Variants in DLGAP2 observed in about 807,000 individuals in gnomAD.
DLGAP2 encodes DLG associated protein 2.
Under a neutral mutation model 100.3 loss-of-function variants are expected in DLGAP2, and 26 were observed. The ratio of observed to expected loss-of-function variants is 0.26; its 90% CI spans 0.19 to 0.36. DLGAP2 has a LOEUF of 0.36. Among genes scored for constraint, DLGAP2 ranks in the 10% least tolerant of loss-of-function variants. The pLI, the probability that DLGAP2 is intolerant of heterozygous loss-of-function variation, is 1.00. For synonymous variants in DLGAP2, 886 were observed against 630.1 expected, an observed-to-expected ratio of 1.41 and a Z score of -6.08; for missense variants, 1,858 against 1,453.2, an observed-to-expected ratio of 1.28 and a Z score of -4.53.
At chr8:1,189,224 G>T (rs114793924) in intron 2 of DLGAP2, among the ~76,000 whole-genome samples, 3 of 124,090 alleles carry the variant, frequency 2.4e-5, no homozygotes, top group Admixed American at 2.1e-4. Flanking sequence ...CCCCAGGCCG[G>T]TTCCGCGGTT....
At chr8:1,695,540 A>G (rs1212160334) in intron 13 of DLGAP2, among the ~76,000 whole-genome samples, 1 of 144,454 alleles carries the variant, frequency 6.9e-6, no homozygotes, top group Non-Finnish European at 1.5e-5. Context: ...CCGGCCCTAC[A>G]GAAAGAGAGG....
intron 13 of DLGAP2, among the ~76,000 whole-genome samples, chr8:1,694,767 G>A (rs1563067427): frequency 6.6e-6 from 1 of 152,164 alleles, no homozygotes; most frequent in Admixed American, 6.5e-5. Context: ...CCACAGAGCT[G>A]TGTGAATTTA....
In DLGAP2 at chr8:915,430, C is replaced by G. The variant is rs532055326; in HGVS notation, c.73+7464C>G. 4.6e-5 allele frequency among the ~76,000 whole-genome samples: 7 copies of G among 152,260 alleles called. No individual in the cohort carries two copies. The South Asian group carries it at 1.2e-3, about 27-fold the overall frequency. ...GGCGTGGTGGCTGGCACCTGTAGTC[C>G]TAGCTACTCGGGAGGCTGAGGCAGG... On this transcript the variant is annotated intron_variant, in intron 2 of 14. Transcript: ENST00000637795.
At chr8:835,207 A>C (rs1796850778) in intron 1 of DLGAP2, among the ~76,000 whole-genome samples, 1 of 152,194 alleles carries the variant, frequency 6.6e-6, no homozygotes, top group Non-Finnish European at 1.5e-5. Context: ...GTGAGGAATA[A>C]AACTTTATTT....
chr8:757,189 C>G (rs1258904742), intron 1 of DLGAP2, among the ~76,000 whole-genome samples: 4 of 152,170 alleles, frequency 2.6e-5, no homozygotes, highest in African/African-American at 9.7e-5. Flanking sequence ...TTTAAACTTG[C>G]TCCAAAAAAT....
At chr8:1,687,062 A>G (rs2130869589) in intron 12 of DLGAP2, among the ~76,000 whole-genome samples, 1 of 152,296 alleles carries the variant, frequency 6.6e-6, no homozygotes, top group East Asian at 1.9e-4. Context: ...GAGGCTCGAG[A>G]TCTTGAAAGG....
At chr8:1,229,109 T>C (rs1275103023) in intron 2 of DLGAP2, among the ~76,000 whole-genome samples, 2 of 152,110 alleles carry the variant, frequency 1.3e-5, no homozygotes, top group Admixed American at 6.5e-5. Flanking sequence ...CGAAACTCAA[T>C]TGCATGCATG....
At chr8:748,233 G>A (rs1438506851) in intron 1 of DLGAP2, among the ~76,000 whole-genome samples, 4 of 138,996 alleles carry the variant, frequency 2.9e-5, no homozygotes, top group Non-Finnish European at 6.5e-5. Context: ...TCTGCGGTGG[G>A]ATGGGCGGGT....
At position 858,677 on chromosome 8, in the gene DLGAP2, G is replaced by A. The variant is rs534424908; in HGVS notation, c.19-49235G>A. On this transcript the variant is annotated intron_variant, in intron 1 of 14. Coordinates refer to ENST00000637795, the MANE Select transcript of DLGAP2 (RefSeq NM_001346810.2). ...TGGGCACGTGAGATGCTGTCTCTGT[G>A]GGGACATGTGTGATGCTGTCATTGT... Among the ~76,000 whole-genome samples the A allele has an allele frequency of 8.4e-4, 127 of 151,744 alleles. 2 individuals are homozygous for A. The highest frequency in any genetic ancestry group is 3.1e-3 in the African/African-American group (126 of 41,298).
chr8:1,065,020 C>G (rs1803202514), intron 2 of DLGAP2, among the ~76,000 whole-genome samples: 1 of 152,216 alleles, frequency 6.6e-6, no homozygotes. Flanking sequence ...GGAGATACAG[C>G]CAGACACCTC....
At chr8:1,645,709 C>G (rs907487663) in intron 8 of DLGAP2, among the ~76,000 whole-genome samples, 1 of 152,120 alleles carries the variant, frequency 6.6e-6, no homozygotes, top group Non-Finnish European at 1.5e-5. Flanking sequence ...TTATTTGCTA[C>G]TTTTATAACT....
At chr8:1,506,494 C>G (rs527896947) in intron 4 of DLGAP2, among the ~76,000 whole-genome samples, 1 of 152,092 alleles carries the variant, frequency 6.6e-6, no homozygotes, top group Non-Finnish European at 1.5e-5. Context: ...CAGATCTTCG[C>G]GGTGAGTGTT....
chr8:1,359,424 G>T (rs1801926952), intron 3 of DLGAP2, among the ~76,000 whole-genome samples: 1 of 152,252 alleles, frequency 6.6e-6, no homozygotes, highest in Non-Finnish European at 1.5e-5. Context: ...TTTAAAACAG[G>T]AAGTAAGGAC....
chr8:1,507,576 T>G (rs546357858), intron 4 of DLGAP2, among the ~76,000 whole-genome samples: 1 of 152,074 alleles, frequency 6.6e-6, no homozygotes, highest in Non-Finnish European at 1.5e-5. Flanking sequence ...AGTGGCTGGC[T>G]GAAGGGCTCC....
intron 3 of DLGAP2, among the ~76,000 whole-genome samples, chr8:1,332,935 C>T (rs1336444059): frequency 6.6e-6 from 1 of 152,254 alleles, no homozygotes; most frequent in African/African-American, 2.4e-5. Context: ...CCTCAGAGAG[C>T]CCCCAGCAGC....
At chr8:1,060,723 A>G (rs892107283) in intron 2 of DLGAP2, among the ~76,000 whole-genome samples, 34 of 152,100 alleles carry the variant, frequency 2.2e-4, no homozygotes, top group African/African-American at 7.7e-4. Flanking sequence ...TCCTCACTGA[A>G]TGACTGCCCC....
chr8:1,506,621 G>T (rs143525128), intron 4 of DLGAP2, among the ~76,000 whole-genome samples: 1 of 152,168 alleles, frequency 6.6e-6, no homozygotes, highest in Non-Finnish European at 1.5e-5. Flanking sequence ...TGCCAGTGCC[G>T]GCTCAGGCAG....
At chr8:1,359,515 A>C (rs569117789) in intron 3 of DLGAP2, among the ~76,000 whole-genome samples, 1 of 152,240 alleles carries the variant, frequency 6.6e-6, no homozygotes, top group African/African-American at 2.4e-5. Context: ...CGAAGGGGCA[A>C]GCTGGTTCGT....
chr8:1,545,130 C>G (rs1323424785), intron 4 of DLGAP2, among the ~76,000 whole-genome samples: 3 of 152,066 alleles, frequency 2.0e-5, no homozygotes, highest in Admixed American at 6.6e-5. Context: ...AATTCTGGCC[C>G]TGATAGAATT....
Sources: allele counts gnomAD v4.1 joint callset (sites outside exome capture counted in the v4.1 genomes callset), GRCh38; gene constraint gnomAD v4.1.1; transcripts MANE v1.5; gene names NCBI Gene and HGNC (gene_info 2026-07-23, HGNC 2026-07-21).